MFSD8: variants seen among roughly 807,000 people sequenced by gnomAD.
MFSD8 encodes the protein major facilitator superfamily domain-containing protein 8.
Under a neutral mutation model 66.4 loss-of-function variants are expected in MFSD8, and 55 were observed. That is an observed-to-expected ratio of 0.83 (90% confidence interval 0.67 to 1.04). The LOEUF is 1.04. MFSD8 is among the 50% of genes least tolerant of loss of function. The pLI, the probability that MFSD8 is intolerant of heterozygous loss-of-function variation, is 0.00. For synonymous variants in MFSD8, 202 were observed against 212.8 expected (o/e 0.95, Z 0.44); for missense variants, 550 against 627.6 (o/e 0.88, Z 1.32).
At chr4:127,941,429 G>A (rs148463559) in intron 5 of MFSD8, among the ~76,000 whole-genome samples, 16 of 152,120 alleles carry the variant, frequency 1.1e-4, no homozygotes, top group African/African-American at 1.7e-4. Context: ...TCTTTACTCA[G>A]CAGAAAATTA....
In MFSD8 at chr4:127,949,774, T is replaced by C. The variant is rs771934753; in HGVS notation, c.198+30A>G. 3 of 1,597,370 alleles carry C rather than the reference T, an allele frequency of 1.9e-6. No homozygotes were observed. In the African/African-American group the frequency reaches 4.0e-5, roughly 21 times the overall value. On this transcript the variant is annotated intron_variant, in intron 3 of 11. Coordinates refer to ENST00000641686, the MANE Select transcript of MFSD8 (RefSeq NM_001371596.2). ...GTAAGAGTTACTACTACTGTAGCTA[T>C]AAGGGAAAAATAGATTGAAATGTAC...
chr4:127,920,753 G>A lies in MFSD8; in HGVS notation c.1434C>T (p.His478=), dbSNP rs2148837142. The A allele has an allele frequency of 2.5e-6, 4 of 1,614,128 alleles. No individual in the cohort carries two copies. The South Asian group carries it at 4.4e-5, about 18-fold the overall frequency. Reference sequence around the variant, plus strand: ...GGCTGAATGCCCATCGTGGTCCCCAGTGAGCATACACTTGGCTGATGAACA... The same window carrying A: ...GGCTGAATGCCCATCGTGGTCCCCAATGAGCATACACTTGGCTGATGAACA... The part of the protein sequence containing the change: ...GPMFISQVYA[H]WGPRWAFSLV... Residue 478 remains histidine, a synonymous_variant, in exon 12 of 12, where the codon CAC becomes CAT. Transcript: ENST00000641686.
At chr4:127,931,134 A>G (rs1269990259) in intron 8 of MFSD8, among the ~76,000 whole-genome samples, 2 of 152,184 alleles carry the variant, frequency 1.3e-5, no homozygotes, top group Non-Finnish European at 2.9e-5. Context: ...TCATTCTAAC[A>G]TTACTAAATA....
At chr4:127,954,752 A>C (rs1742576444) in intron 2 of MFSD8, among the ~76,000 whole-genome samples, 1 of 152,230 alleles carries the variant, frequency 6.6e-6, no homozygotes, top group Admixed American at 6.5e-5. Flanking sequence ...ATATTGGATA[A>C]GGGGCTAACA....
At chr4:127,940,526 ATATATATATATATGTG>A in intron 5 of MFSD8, among the ~76,000 whole-genome samples, 1 of 146,182 alleles carries the variant, frequency 6.8e-6, no homozygotes, top group African/African-American at 2.5e-5. Context: ...GTATATATAT[ATATATATATATATGTG>A]TGTGTGTGTA....
chr4:127,935,366 T>C (rs1738887950), intron 7 of MFSD8, among the ~76,000 whole-genome samples: 1 of 152,170 alleles, frequency 6.6e-6, no homozygotes, highest in Non-Finnish European at 1.5e-5. Flanking sequence ...TTGGCTTCAG[T>C]GGGGTATCTC....
At chr4:127,950,031 T>G (rs984398561) in intron 2 of MFSD8, among the ~76,000 whole-genome samples, 184 bp from the exon 3 acceptor site, 1 of 152,162 alleles carries the variant, frequency 6.6e-6, no homozygotes, top group Non-Finnish European at 1.5e-5. Context: ...TAAAAGAACA[T>G]ACAATTACAG....
chr4:127,957,757 G>T (rs1197700259), intron 1 of MFSD8, among the ~76,000 whole-genome samples, 165 bp from the exon 2 acceptor site: 1 of 151,938 alleles, frequency 6.6e-6, no homozygotes, highest in East Asian at 1.9e-4. Flanking sequence ...TTATTTTTTT[G>T]AATTTCCATG....
At chr4:127,935,591 AATTTT>A (rs1344631109) in intron 7 of MFSD8, among the ~76,000 whole-genome samples, 1 of 152,186 alleles carries the variant, frequency 6.6e-6, no homozygotes, top group Non-Finnish European at 1.5e-5. Context: ...GAAATTTAAA[AATTTT>A]ATTTTATAAA....
At position 127,920,312 on chromosome 4, in the gene MFSD8, G is replaced by A. The variant is rs1736174711; in HGVS notation, c.*318C>T. On this transcript the variant is annotated 3_prime_UTR_variant, in exon 12 of 12. Coordinates refer to ENST00000641686, the MANE Select transcript of MFSD8 (RefSeq NM_001371596.2). Reference sequence around the variant, plus strand: ...ATATTATTTTAATGACACTTCTGCAGTGGGTATTAAGAATACAGCTTCACA... The same window carrying A: ...ATATTATTTTAATGACACTTCTGCAATGGGTATTAAGAATACAGCTTCACA... The A allele has an allele frequency of 2.8e-6, 1 of 352,216 alleles. No individual in the cohort carries two copies. Among genetic ancestry groups the A allele is most frequent in the South Asian group, 2.7e-5 (1 of 37,336 alleles). 21.8% of individuals were successfully genotyped at this position (352,216 alleles called of 1,614,324 possible).
In MFSD8 at chr4:127,965,142, T is replaced by G. The variant is rs1744847722; in HGVS notation, c.-9A>C. 8.7e-6 allele frequency: 14 copies of G among 1,613,894 alleles called. No homozygotes were observed. Among genetic ancestry groups the G allele is most frequent in the Non-Finnish European group, 9.3e-6 (11 of 1,180,004 alleles). On this transcript the variant is annotated 5_prime_UTR_variant, in exon 1 of 12. Coordinates refer to ENST00000641686, the MANE Select transcript of MFSD8 (RefSeq NM_001371596.2). ...TTCCGCAGGCCGGCCATAGTTACACTCCCTACAAGGCGTCTTGCGCCCAAC... is the reference window on the plus strand; with the variant it reads ...TTCCGCAGGCCGGCCATAGTTACACGCCCTACAAGGCGTCTTGCGCCCAAC...
At chr4:127,949,388 C>G (rs1578942233) in intron 3 of MFSD8, among the ~76,000 whole-genome samples, 1 of 152,264 alleles carries the variant, frequency 6.6e-6, no homozygotes, top group Non-Finnish European at 1.5e-5. Flanking sequence ...TACAATGTTA[C>G]CTGATAGCCC....
At chr4:127,940,096 G>A in intron 5 of MFSD8, 99 bp from the exon 6 acceptor site, 1 of 1,137,232 alleles carries the variant, frequency 8.8e-7, no homozygotes, top group South Asian at 1.3e-5. Context: ...ACAATGTTAT[G>A]GAATCATCCT....
chr4:127,942,799 T>C (rs1211395402), intron 4 of MFSD8, among the ~76,000 whole-genome samples: 1 of 152,206 alleles, frequency 6.6e-6, no homozygotes, highest in Non-Finnish European at 1.5e-5. Flanking sequence ...CATAGACATG[T>C]AATATAAGAA....
chr4:127,958,135 G>T (rs1743187129), intron 1 of MFSD8, among the ~76,000 whole-genome samples: 1 of 152,100 alleles, frequency 6.6e-6, no homozygotes, highest in South Asian at 2.1e-4. Flanking sequence ...CCTCCTAAAT[G>T]GGTTACCAGA....
intron 9 of MFSD8, among the ~76,000 whole-genome samples, chr4:127,928,231 A>T (rs4834219): frequency 6.6e-5 from 10 of 152,010 alleles, no homozygotes; most frequent in Admixed American, 3.3e-4. Context: ...TAGTAGAAAA[A>T]TTTTTTTGTT....
chr4:127,963,976 C>T (rs1470469694), intron 1 of MFSD8, among the ~76,000 whole-genome samples: 1 of 152,198 alleles, frequency 6.6e-6, no homozygotes, highest in Admixed American at 6.5e-5. Context: ...GAAAGGTTCT[C>T]CAAGGCCCCA....
rs549615698 is a variant in MFSD8, at chr4:127,918,800, A to G, written c.*1830T>C. On this transcript the variant is annotated 3_prime_UTR_variant, in exon 12 of 12. Transcript: ENST00000641686. The stretch of plus-strand genomic sequence containing the variant: ...AAGACTGCTGTAAGAATTAAATTGT[A>G]TGTTACACATTACCTGGAATGTGGA... 7.9e-5 allele frequency: 12 copies of G among 152,336 alleles called. No individual in the cohort carries two copies. The highest frequency in any genetic ancestry group is 2.2e-4 in the African/African-American group (9 of 41,572). The allele number at this position is 152,336 out of a possible 1,614,324, so 9.4% of individuals were successfully genotyped here. A position where few individuals can be genotyped will look rare whatever the true frequency, so the allele number is the denominator to read the frequency against.
At chr4:127,952,069 C>T (rs1459803772) in intron 2 of MFSD8, among the ~76,000 whole-genome samples, 1 of 151,900 alleles carries the variant, frequency 6.6e-6, no homozygotes, top group Non-Finnish European at 1.5e-5. Context: ...TGTACATGTA[C>T]ATTCCTTATA....
Sources: allele counts gnomAD v4.1 joint callset (sites outside exome capture counted in the v4.1 genomes callset), GRCh38; gene constraint gnomAD v4.1.1; transcripts MANE v1.5; gene names NCBI Gene and HGNC (gene_info 2026-07-23, HGNC 2026-07-21).